Variants in SNIP1 observed in about 807,000 individuals in gnomAD.
The protein encoded by SNIP1 is smad nuclear-interacting protein 1.
In SNIP1, 23 loss-of-function variants were observed where a neutral mutation model predicts 37.4. That is an observed-to-expected ratio of 0.61 (90% CI 0.44 to 0.87). The LOEUF (loss-of-function observed/expected upper bound fraction) is 0.87, where lower values mean the gene tolerates loss of function less well. SNIP1 is among the 40% of genes least tolerant of loss of function. The pLI, the probability that SNIP1 is intolerant of heterozygous loss-of-function variation, is 0.00. For synonymous variants in SNIP1, 174 were observed against 200.0 expected (o/e 0.87, Z 1.10); for missense variants, 459 against 540.4 (o/e 0.85, Z 1.49).
intron 2 of SNIP1, among the ~76,000 whole-genome samples, chr1:37,542,915 C>G (rs1244475338): frequency 2.0e-5 from 3 of 151,928 alleles, no homozygotes; most frequent in Non-Finnish European, 4.4e-5. Context: ...CAAAAATTAG[C>G]CAGGCACGAC....
chr1:37,545,322 T>C, intron 2 of SNIP1: 1 of 583,380 alleles, frequency 1.7e-6, no homozygotes. Context: ...AATTTCCCCA[T>C]AGCCATGGGG....
intron 2 of SNIP1, chr1:37,544,791 G>C: frequency 1.3e-6 from 1 of 740,742 alleles, no homozygotes; most frequent in South Asian, 1.4e-5. Flanking sequence ...CCTCGCAGGT[G>C]CGCCAGAACT....
intron 2 of SNIP1, among the ~76,000 whole-genome samples, chr1:37,548,456 C>T (rs985617851): frequency 6.6e-6 from 1 of 151,686 alleles, no homozygotes; most frequent in Admixed American, 6.6e-5. Flanking sequence ...GCTGGGATTA[C>T]ACGCGCCCAC....
intron 2 of SNIP1, chr1:37,541,662 CAAA>C (rs34756254): frequency 9.3e-4 from 119 of 127,878 alleles, no homozygotes; most frequent in East Asian, 1.1e-3. Flanking sequence ...AACTCCTTCT[CAAA>C]AAAAAAAAAA....
rs538745308 is a variant in SNIP1 at position 37,540,599 on chromosome 1, C to A, written c.484G>T (p.Gly162Cys). The A allele has an allele frequency of 7.4e-6, 12 of 1,614,138 alleles. No homozygotes were observed. The African/African-American group carries it at 1.1e-4, about 14-fold the overall frequency. The change falls in exon 3 of 4, where the codon GGT (glycine) becomes TGT (cysteine). Residue 162 changes from glycine (G) to cysteine (C), a missense_variant. Transcript: ENST00000296215. This position sits in a 1 kb window ranked among gnomAD's most constrained non-coding sequence, Gnocchi z 5.6. ...TSNERPGSGQ[G>C]QGRDRDTQNL... is the part of the protein sequence containing the mutation. ...TGAGTGTCTCGATCCCGTCCCTGAC[C>A]CTGCCCACTCCCAGGCCTCTCGTTA...
At chr1:37,545,398 T>C (rs1038341331) in intron 2 of SNIP1, 6 of 437,938 alleles carry the variant, frequency 1.4e-5, no homozygotes, top group African/African-American at 1.3e-4. Context: ...CTATAAGTTG[T>C]ACCAAAACAT....
intron 2 of SNIP1, among the ~76,000 whole-genome samples, chr1:37,543,404 TA>T (rs1008438413): frequency 6.7e-5 from 10 of 149,090 alleles, no homozygotes; most frequent in East Asian, 1.9e-4. Flanking sequence ...TTTCGTAATT[TA>T]AAAAAAAAAC....
At chr1:37,553,186 A>C (rs1339508035) in intron 1 of SNIP1, among the ~76,000 whole-genome samples, 1 of 152,010 alleles carries the variant, frequency 6.6e-6, no homozygotes, top group Non-Finnish European at 1.5e-5. Context: ...ATCCACCGAC[A>C]CTGGCTTTTT....
At chr1:37,551,003 G>A (rs1327068038) in intron 2 of SNIP1, among the ~76,000 whole-genome samples, 1 of 150,786 alleles carries the variant, frequency 6.6e-6, no homozygotes, top group Non-Finnish European at 1.5e-5. Context: ...GCTGAGGCAG[G>A]AGAATCACTT....
intron 2 of SNIP1, among the ~76,000 whole-genome samples, chr1:37,547,648 C>T (rs966872161): frequency 6.6e-6 from 1 of 151,620 alleles, no homozygotes; most frequent in Non-Finnish European, 1.5e-5. Context: ...GCACGAGAAT[C>T]GCTTGAACCC....
In SNIP1 at chr1:37,537,892, G is replaced by A. The variant is rs1310816408; in HGVS notation, c.1047C>T (p.Tyr349=). ...GTACATCCTTTTCTTTTAGTTCATA[G>A]TATCTCTGTGGCTCAATACGTTTGT... is the stretch of plus-strand genomic sequence containing the variant. The part of the protein sequence containing the change: ...LNNKRIEPQR[Y]YELKEKDVLK... The change falls in exon 4 of 4, where the codon TAC becomes TAT. Residue 349 remains tyrosine (Y), a synonymous_variant. Coordinates refer to ENST00000296215, the MANE Select transcript of SNIP1 (RefSeq NM_024700.4). 1 of 1,614,140 alleles carries A rather than the reference G, an allele frequency of 6.2e-7. No individual in the cohort carries two copies. The highest frequency in any genetic ancestry group is 8.5e-7 in the Non-Finnish European group (1 of 1,180,044).
chr1:37,541,927 T>C (rs114238622), intron 2 of SNIP1, among the ~76,000 whole-genome samples: 2 of 152,208 alleles, frequency 1.3e-5, no homozygotes, highest in African/African-American at 4.8e-5. Context: ...CATGAATTTC[T>C]TTTTCCTTCT....
At chr1:37,547,233 A>C (rs184682359) in intron 2 of SNIP1, among the ~76,000 whole-genome samples, 2 of 152,150 alleles carry the variant, frequency 1.3e-5, no homozygotes, top group East Asian at 3.9e-4. Flanking sequence ...GGAAGAGAAG[A>C]GATAGAGAGA....
At position 37,552,704 on chromosome 1, in the gene SNIP1, T is replaced by G; in HGVS notation, c.268A>C (p.Lys90Gln). Residue 90 changes from lysine (K) to glutamine (Q), a missense_variant, in exon 2 of 4, where the codon AAG becomes CAG. Coordinates refer to ENST00000296215, the MANE Select transcript of SNIP1 (RefSeq NM_024700.4). The stretch of plus-strand genomic sequence containing the variant: ...CGGTTTCTCTTACTGCGAGGAGACT[T>G]GCTTCTTCTCCCTGAGGCCTTGTTT... ...KKNKASGRRS[K>Q]SPRSKRNRSP... 6.2e-7 allele frequency: 1 copy of G among 1,614,228 alleles called. No homozygotes were observed. Among genetic ancestry groups the G allele is most frequent in the Non-Finnish European group, 8.5e-7 (1 of 1,180,030 alleles).
At chr1:37,544,767 C>G in intron 2 of SNIP1, 1 of 707,834 alleles carries the variant, frequency 1.4e-6, no homozygotes, top group Non-Finnish European at 2.6e-6. Context: ...ACCACCATGA[C>G]GACTGCGCGT....
In SNIP1 at chr1:37,554,088, G is replaced by T. The variant is rs935844048; in HGVS notation, c.142C>A (p.His48Asn). 6.2e-7 allele frequency: 1 copy of T among 1,609,132 alleles called. No homozygotes were observed. The highest frequency in any genetic ancestry group is 1.7e-4 in the Middle Eastern group (1 of 5,764). Residue 48 changes from histidine (H) to asparagine (N), a missense_variant, in exon 1 of 4, where the codon CAC (histidine) becomes AAC (asparagine). His to Asn is a moderately conservative substitution (Grantham distance 68). Coordinates refer to ENST00000296215, the MANE Select transcript of SNIP1 (RefSeq NM_024700.4). ...GGCGGAGACGGGCTACCACCGGAGTGGTCCGGACGGCGGTGGGCGGGAGGT... is the reference window on the plus strand; with the variant it reads ...GGCGGAGACGGGCTACCACCGGAGTTGTCCGGACGGCGGTGGGCGGGAGGT... ...VAPPAHRRPDHSGGSPSPPTS... is the reference protein window; with the variant it reads ...VAPPAHRRPDNSGGSPSPPTS...
chr1:37,553,892 G>C, intron 1 of SNIP1, 114 bp downstream of exon 1: 1 of 1,076,754 alleles, frequency 9.3e-7, no homozygotes, highest in Non-Finnish European at 1.4e-6. Context: ...AGCCCCTCAG[G>C]ATTAAGTCCG....
chr1:37,552,510 G>T (rs1291909932), intron 2 of SNIP1, 135 bp downstream of exon 2: 4 of 660,576 alleles, frequency 6.1e-6, no homozygotes, highest in Non-Finnish European at 1.1e-5. Flanking sequence ...AAAGCCCATC[G>T]GAGGTACAAG....
intron 3 of SNIP1, among the ~76,000 whole-genome samples, chr1:37,539,861 G>A (rs564683181): frequency 3.9e-5 from 6 of 152,316 alleles, no homozygotes; most frequent in Admixed American, 2.0e-4. Context: ...CGAGGCAGGA[G>A]ACAATCATTT....
Sources: allele counts gnomAD v4.1 joint callset (sites outside exome capture counted in the v4.1 genomes callset), GRCh38; gene constraint gnomAD v4.1.1; non-coding constraint Gnocchi (gnomAD v3.1); transcripts MANE v1.5; gene names NCBI Gene and HGNC (gene_info 2026-07-23, HGNC 2026-07-21).